The following DMD variants were observed in gnomAD, a reference collection of about 807,000 sequenced individuals.
The protein encoded by DMD is dystrophin, also known as mutant dystrophin.
A neutral mutation model predicts 330.1 loss-of-function variants in DMD; 63 were observed. The ratio of observed to expected loss-of-function variants is 0.19; its 90% CI spans 0.16 to 0.24. The LOEUF (loss-of-function observed/expected upper bound fraction) is 0.24, where lower values mean the gene tolerates loss of function less well. Ranked by LOEUF, DMD falls within the 10% of genes least tolerant of loss-of-function variation. DMD has a pLI of 1.00. For synonymous variants in DMD, 1,223 were observed against 959.8 expected (o/e 1.27, Z -5.07); for missense variants, 3,344 against 2,684.1 (o/e 1.25, Z -5.43).
At chrX:32,778,919 C>T (rs918751833) in intron 7 of DMD, among the ~76,000 whole-genome samples, 1 of 111,157 alleles carries the variant, frequency 9.0e-6, no homozygotes, top group African/African-American at 3.3e-5. Context: ...ACATGAGTAT[C>T]CTTGGGGAGC....
intron 1 of DMD, among the ~76,000 whole-genome samples, chrX:33,194,554 G>C (rs1249229620): frequency 9.0e-6 from 1 of 111,322 alleles, no homozygotes; most frequent in South Asian, 3.7e-4. Flanking sequence ...CTTTTCTTTG[G>C]TTGAAATTTT....
rs59686294 is a variant in DMD at position 32,076,052 on chromosome X, C to CAAAAAA, written c.6439-107544_6439-107539dup. 4.8e-4 allele frequency among the ~76,000 whole-genome samples: 9 copies of CAAAAAA among 18,758 alleles called. 1 individual carries two copies. The highest frequency in any genetic ancestry group is 7.8e-4 in the Non-Finnish European group (8 of 10,232). The allele number at this position is 18,758 out of a possible 115,157, so 16.3% of individuals were successfully genotyped here. A position where few individuals can be genotyped will look rare whatever the true frequency, so the allele number is the denominator to read the frequency against. ...TGGGTGACAGAACGAGACTCTGTCT[C>CAAAAAA]AAAAAAAAAAAAAAAAAAAAAAAAA... On this transcript the variant is annotated intron_variant, in intron 44 of 78. Transcript: ENST00000357033.
At chrX:32,045,631 C>A (rs1199460360) in intron 44 of DMD, among the ~76,000 whole-genome samples, 5 of 111,189 alleles carry the variant, frequency 4.5e-5, no homozygotes, top group Non-Finnish European at 7.5e-5. Context: ...GTTTTTCTGC[C>A]GATTTTATTC....
chrX:31,201,515 A>G (rs1385434044), intron 67 of DMD, among the ~76,000 whole-genome samples: 1 of 112,874 alleles, frequency 8.9e-6, no homozygotes, highest in East Asian at 2.8e-4. Flanking sequence ...AGAGACAGAA[A>G]TGTAACCAAA....
chrX:32,879,978 A>G (rs112095122), intron 2 of DMD, among the ~76,000 whole-genome samples: 1 of 111,280 alleles, frequency 9.0e-6, no homozygotes, highest in African/African-American at 3.3e-5. Flanking sequence ...TACTCTCCCC[A>G]TACACGATTC....
At chrX:31,861,004 C>A (rs1037959570) in intron 48 of DMD, among the ~76,000 whole-genome samples, 1 of 111,968 alleles carries the variant, frequency 8.9e-6, no homozygotes, top group African/African-American at 3.2e-5. Flanking sequence ...AACCTTAAGA[C>A]TAGAATCTGT....
intron 22 of DMD, among the ~76,000 whole-genome samples, chrX:32,471,717 C>A (rs978535737): frequency 9.0e-5 from 10 of 111,729 alleles, no homozygotes; most frequent in Non-Finnish European, 1.9e-4. Context: ...ATATAAAGGA[C>A]TTGAACATCT....
At chrX:32,988,452 T>C (rs908492263) in intron 2 of DMD, among the ~76,000 whole-genome samples, 1 of 112,066 alleles carries the variant, frequency 8.9e-6, no homozygotes, top group Non-Finnish European at 1.9e-5. Context: ...TATGACAAAA[T>C]AATAAGTTTG....
At chrX:32,279,840 A>C (rs1447727187) in intron 43 of DMD, among the ~76,000 whole-genome samples, 1 of 109,037 alleles carries the variant, frequency 9.2e-6, no homozygotes, top group African/African-American at 3.3e-5. Flanking sequence ...TTGTAAAACA[A>C]AGAATAATTG....
chrX:31,577,288 T>C (rs1336953783), intron 55 of DMD, among the ~76,000 whole-genome samples: 2 of 112,769 alleles, frequency 1.8e-5, no homozygotes, highest in African/African-American at 6.4e-5. Context: ...TTTTGTAAAG[T>C]ATTACCCGCC....
chrX:32,648,549 T>A (rs2059924141), intron 9 of DMD, among the ~76,000 whole-genome samples: 1 of 111,714 alleles, frequency 9.0e-6, no homozygotes, highest in Admixed American at 9.5e-5. Flanking sequence ...GGGTTTATTT[T>A]GATATGTATA....
At chrX:32,634,368 C>T (rs997339681) in intron 11 of DMD, among the ~76,000 whole-genome samples, 12 of 111,856 alleles carry the variant, frequency 1.1e-4, no homozygotes, top group African/African-American at 3.6e-4. Flanking sequence ...CCAAAGTCCC[C>T]TTTACTCTCA....
chrX:33,270,526 A>G (rs752560755), intron 1 of DMD, among the ~76,000 whole-genome samples: 4 of 100,950 alleles, frequency 4.0e-5, no homozygotes, highest in African/African-American at 1.7e-4. Flanking sequence ...TTTACAATCA[A>G]CCCCCTCACA....
chrX:33,211,357 A>C lies in DMD; in HGVS notation c.-45T>G. The stretch of plus-strand genomic sequence containing the variant: ...GGCAGCGATAAAAAAAACCTGGTAA[A>C]AGTTCTTCAAACTTTATTGCTCCAG... On this transcript the variant is annotated 5_prime_UTR_variant, in exon 1 of 79. Transcript: ENST00000357033. The C allele has an allele frequency of 8.3e-7, 1 of 1,199,542 alleles. No individual in the cohort carries two copies. Among genetic ancestry groups the C allele is most frequent in the Non-Finnish European group, 1.1e-6 (1 of 888,049 alleles).
chrX:32,871,490 A>C (rs758329430), intron 2 of DMD, among the ~76,000 whole-genome samples: 2 of 111,271 alleles, frequency 1.8e-5, no homozygotes, highest in East Asian at 5.7e-4. Flanking sequence ...AAATACAAGG[A>C]AAGAGACATC....
intron 7 of DMD, among the ~76,000 whole-genome samples, chrX:32,738,140 G>C (rs777716551): frequency 2.7e-5 from 3 of 111,688 alleles, no homozygotes; most frequent in Non-Finnish European, 5.7e-5. Context: ...AAATCACAGA[G>C]GGTTACCAGT....
At chrX:31,306,322 T>C (rs1433409338) in intron 62 of DMD, among the ~76,000 whole-genome samples, 1 of 111,775 alleles carries the variant, frequency 8.9e-6, no homozygotes, top group Admixed American at 9.6e-5. Context: ...TTCCCCATAT[T>C]TCACTGAGAA....
chrX:32,352,405 T>C (rs2097784869), intron 37 of DMD, among the ~76,000 whole-genome samples: 1 of 111,081 alleles, frequency 9.0e-6, no homozygotes, highest in Non-Finnish European at 1.9e-5. Flanking sequence ...TTAATTTTAC[T>C]GATTTCACTG....
intron 2 of DMD, among the ~76,000 whole-genome samples, chrX:32,918,445 C>T (rs912346215): frequency 9.0e-6 from 1 of 111,005 alleles, no homozygotes; most frequent in African/African-American, 3.3e-5. Flanking sequence ...CTGCCTCCCG[C>T]CTCAAGTGAA....
Sources: gnomAD v4.1 joint callset for allele counts (sites outside exome capture counted in the v4.1 genomes callset) on GRCh38, gnomAD v4.1.1 for gene constraint, MANE v1.5 for transcripts, NCBI Gene and HGNC (gene_info 2026-07-23, HGNC 2026-07-21) for gene names.